The following LRRC4C variants were observed in gnomAD, a reference collection of about 807,000 sequenced individuals.
The protein encoded by LRRC4C is leucine rich repeat containing 4C.
Under a neutral mutation model 33.6 loss-of-function variants are expected in LRRC4C, and 5 were observed. The ratio of observed to expected loss-of-function variants is 0.15; its 90% CI spans 0.08 to 0.31. The LOEUF (loss-of-function observed/expected upper bound fraction) is 0.31, where lower values mean the gene tolerates loss of function less well. LRRC4C is among the 10% of genes least tolerant of loss of function. The pLI is 1.00. For synonymous variants in LRRC4C, 329 were observed against 302.0 expected (o/e 1.09, Z -0.93); for missense variants, 560 against 796.7 (o/e 0.70, Z 3.58).
intron 2 of LRRC4C, among the ~76,000 whole-genome samples, chr11:40,653,600 T>C (rs780637358): frequency 6.6e-5 from 10 of 152,128 alleles, no homozygotes; most frequent in Non-Finnish European, 1.5e-4. Flanking sequence ...CACAAAGATA[T>C]GGTTTGGAAT....
intron 6 of LRRC4C, among the ~76,000 whole-genome samples, chr11:40,121,611 T>C (rs1036820695): frequency 1.3e-5 from 2 of 152,208 alleles, no homozygotes; most frequent in African/African-American, 4.8e-5. Flanking sequence ...TATGATACTT[T>C]TAGCCTTGTC....
At chr11:41,118,801 G>T (rs1489149227) in intron 1 of LRRC4C, among the ~76,000 whole-genome samples, 1 of 152,184 alleles carries the variant, frequency 6.6e-6, no homozygotes, top group East Asian at 1.9e-4. Context: ...ACAATAAATA[G>T]CCCTGTGGAA....
At chr11:41,304,947 C>T (rs1354980669) in intron 1 of LRRC4C, among the ~76,000 whole-genome samples, 38 of 122,582 alleles carry the variant, frequency 3.1e-4, no homozygotes, top group African/African-American at 1.0e-3. Flanking sequence ...CTGGGCCAGC[C>T]GCCCCGTCCG....
At chr11:40,686,176 A>C (rs1944945186) in intron 2 of LRRC4C, among the ~76,000 whole-genome samples, 2 of 152,082 alleles carry the variant, frequency 1.3e-5, no homozygotes, top group Non-Finnish European at 2.9e-5. Flanking sequence ...GACCTTTCTA[A>C]GTCTCAGTTT....
intron 4 of LRRC4C, among the ~76,000 whole-genome samples, chr11:40,273,953 C>A (rs1942899374): frequency 6.6e-6 from 1 of 151,944 alleles, no homozygotes; most frequent in Non-Finnish European, 1.5e-5. Flanking sequence ...TCTATTTTCC[C>A]CACGAGGTAG....
At chr11:40,660,185 C>A (rs571739043) in intron 2 of LRRC4C, among the ~76,000 whole-genome samples, 1 of 152,350 alleles carries the variant, frequency 6.6e-6, no homozygotes, top group Admixed American at 6.5e-5. Flanking sequence ...GCACCTGGAG[C>A]TGCCTGCCCC....
At chr11:40,633,357 CTT>C (rs1237254244) in intron 3 of LRRC4C, among the ~76,000 whole-genome samples, 2 of 43,572 alleles carry the variant, frequency 4.6e-5, no homozygotes, top group African/African-American at 1.3e-4. Context: ...TTCTTTCTTT[CTT>C]TCTTTCTTTC....
chr11:40,411,286 T>G (rs1284361018), intron 3 of LRRC4C, among the ~76,000 whole-genome samples: 3 of 152,152 alleles, frequency 2.0e-5, no homozygotes, highest in Non-Finnish European at 4.4e-5. Context: ...GTTCACTTTT[T>G]GTTGACTTGT....
intron 1 of LRRC4C, among the ~76,000 whole-genome samples, chr11:41,231,310 C>T (rs1483496504): frequency 1.3e-5 from 2 of 152,054 alleles, no homozygotes; most frequent in Admixed American, 6.6e-5. Context: ...AAGACACATA[C>T]ACACACGTAT....
At chr11:40,352,650 T>TTGTC (rs71060955) in intron 3 of LRRC4C, among the ~76,000 whole-genome samples, 68,553 of 151,582 alleles carry the variant, frequency 0.45, 16,505 homozygotes, top group East Asian at 0.8. Flanking sequence ...TATTCTGTGT[T>TTGTC]TGTGAACTTA....
intron 3 of LRRC4C, among the ~76,000 whole-genome samples, chr11:40,507,622 C>A (rs1448599215): frequency 6.6e-6 from 1 of 151,486 alleles, no homozygotes; most frequent in Non-Finnish European, 1.5e-5. Flanking sequence ...TTTATGTTAA[C>A]AATAAACTTT....
At chr11:40,476,880 A>T (rs1026425192) in intron 3 of LRRC4C, among the ~76,000 whole-genome samples, 2 of 152,154 alleles carry the variant, frequency 1.3e-5, no homozygotes, top group Non-Finnish European at 2.9e-5. Context: ...AACTTAGACA[A>T]ATAGCCAACA....
At chr11:40,385,314 G>C (rs1392661541) in intron 3 of LRRC4C, among the ~76,000 whole-genome samples, 1 of 152,170 alleles carries the variant, frequency 6.6e-6, no homozygotes, top group African/African-American at 2.4e-5. Context: ...AGCAAATACT[G>C]ATTAAAATAG....
intron 3 of LRRC4C, among the ~76,000 whole-genome samples, chr11:40,378,425 A>G (rs1948739947): frequency 6.6e-6 from 1 of 152,026 alleles, no homozygotes; most frequent in Non-Finnish European, 1.5e-5. Flanking sequence ...CTTTGTAGGC[A>G]TATTAGATCC....
intron 1 of LRRC4C, among the ~76,000 whole-genome samples, chr11:41,244,680 C>T (rs1948383046): frequency 6.6e-6 from 1 of 152,276 alleles, no homozygotes; most frequent in South Asian, 2.1e-4. Context: ...TAAATAAAAG[C>T]CTCAGCTTTC....
chr11:40,507,283 C>T (rs1181958660), intron 3 of LRRC4C, among the ~76,000 whole-genome samples: 4 of 151,966 alleles, frequency 2.6e-5, no homozygotes, highest in Non-Finnish European at 1.5e-5. Context: ...GGAAAGACTG[C>T]AAATCCGGAA....
intron 3 of LRRC4C, among the ~76,000 whole-genome samples, chr11:40,463,507 T>C (rs117055062): frequency 0.011 from 1,630 of 152,130 alleles, 14 homozygotes; most frequent in Non-Finnish European, 0.017. Flanking sequence ...TATCGGAAAT[T>C]TATCTTTGAG....
intron 2 of LRRC4C, among the ~76,000 whole-genome samples, chr11:40,858,454 G>A (rs542574077): frequency 6.6e-6 from 1 of 152,094 alleles, no homozygotes; most frequent in Admixed American, 6.5e-5. Flanking sequence ...CAGCACTTTG[G>A]GAGGCTGAAG....
At chr11:41,239,173 T>A (rs1948146312) in intron 1 of LRRC4C, among the ~76,000 whole-genome samples, 1 of 138,052 alleles carries the variant, frequency 7.2e-6, no homozygotes. Context: ...AAAAAAAAAA[T>A]TAGCCGGGCA....
Sources: allele counts gnomAD v4.1 joint callset (sites outside exome capture counted in the v4.1 genomes callset), GRCh38; gene constraint gnomAD v4.1.1; transcripts MANE v1.5; gene names NCBI Gene and HGNC (gene_info 2026-07-23, HGNC 2026-07-21).